The following GGTA1 variants were observed in gnomAD, a reference collection of about 807,000 sequenced individuals.
GGTA1 encodes the protein inactive N-acetyllactosaminide alpha-1,3-galactosyltransferase.
Under a neutral mutation model 2.6 loss-of-function variants are expected in GGTA1, and 5 were observed. The observed-to-expected ratio is 1.92, with a 90% CI of 1.00 to 4.04. The LOEUF (loss-of-function observed/expected upper bound fraction) is 4.04, where lower values mean the gene tolerates loss of function less well. Among genes scored for constraint, GGTA1 ranks in the 30% most tolerant of loss-of-function variants. The pLI is 0.00. For missense variants in GGTA1, 50 were observed against 16.7 expected (o/e 2.99, Z -3.47); for synonymous variants, 17 against 5.0 (o/e 3.38, Z -3.19).
At chr9:121,475,778 A>T (rs2118719468) in intron 1 of GGTA1, among the ~76,000 whole-genome samples, 1 of 152,304 alleles carries the variant, frequency 6.6e-6, no homozygotes, top group Admixed American at 6.5e-5. Context: ...GGGAATGGGG[A>T]AGGGTGCAGT....
chr9:121,447,712 A>T (rs912832750), intron 7 of GGTA1: 4 of 152,144 alleles, frequency 2.6e-5, no homozygotes, highest in Admixed American at 2.6e-4. Flanking sequence ...GGGATTCCTG[A>T]AAGAAACCAC....
intron 1 of GGTA1, among the ~76,000 whole-genome samples, chr9:121,475,427 C>G (rs975401537): frequency 1.3e-5 from 2 of 152,228 alleles, no homozygotes; most frequent in East Asian, 1.9e-4. Flanking sequence ...CTCTACTCTC[C>G]TAATAAACTT....
chr9:121,499,425 G>A (rs971978134), intron 1 of GGTA1, among the ~76,000 whole-genome samples: 2 of 152,296 alleles, frequency 1.3e-5, no homozygotes, highest in Non-Finnish European at 2.9e-5. Context: ...CTGGACAGAG[G>A]GAGGGACGGC....
intron 1 of GGTA1, among the ~76,000 whole-genome samples, chr9:121,486,407 G>C (rs957621783): frequency 2.0e-5 from 3 of 152,192 alleles, no homozygotes; most frequent in Non-Finnish European, 4.4e-5. Context: ...CTGGTGATTG[G>C]GGATGGTGGA....
chr9:121,493,741 TCA>T, intron 1 of GGTA1, among the ~76,000 whole-genome samples: 1 of 134,422 alleles, frequency 7.4e-6, no homozygotes, highest in Admixed American at 7.9e-5. Flanking sequence ...CTTCCTAGAC[TCA>T]CTCTCTTTTT....
At chr9:121,464,324 G>T (rs1026248352) in intron 2 of GGTA1, among the ~76,000 whole-genome samples, 13 of 111,896 alleles carry the variant, frequency 1.2e-4, no homozygotes, top group Admixed American at 1.1e-4. Flanking sequence ...CCTCCTTGAG[G>T]TTTTTTTTTT....
intron 2 of GGTA1, among the ~76,000 whole-genome samples, chr9:121,465,023 A>AAAAAAAC: frequency 6.6e-6 from 1 of 151,830 alleles, no homozygotes; most frequent in Non-Finnish European, 1.5e-5. Context: ...AAAAAACAAA[A>AAAAAAAC]AACAACTCCT....
downstream of GGTA1, among the ~76,000 whole-genome samples, chr9:121,452,736 C>T (rs1161060575): frequency 6.6e-6 from 1 of 152,120 alleles, no homozygotes; most frequent in Non-Finnish European, 1.5e-5. Flanking sequence ...CCAGGCTGCT[C>T]TTGAACTCCT....
Position 121,476,912 on chromosome 9 carries a change from G to A in GGTA1, c.-9-8981C>T, listed in dbSNP as rs959502515. Among the ~76,000 whole-genome samples the A allele has an allele frequency of 1.3e-5, 2 of 152,172 alleles. No individual in the cohort carries two copies. Among genetic ancestry groups the A allele is most frequent in the African/African-American group, 4.8e-5 (2 of 41,426 alleles). ...TCCAGGGGCTGCAGGCTGAGCTGGG[G>A]TGCTGACCCATTACCTGCACACCCA... On this transcript the variant is annotated intron_variant, in intron 1 of 5. Transcript: ENST00000481799. The surrounding 1 kb of genome is among the most constrained non-coding windows in gnomAD (Gnocchi z 4.6).
chr9:121,461,005 A>G (rs2064956418), intron 4 of GGTA1, among the ~76,000 whole-genome samples: 1 of 152,208 alleles, frequency 6.6e-6, no homozygotes, highest in African/African-American at 2.4e-5. Flanking sequence ...TGAGCCCAAG[A>G]GTTTGAAGCT....
chr9:121,466,936 A>T lies in GGTA1; in HGVS notation c.80+907T>A, dbSNP rs73543110. ...CCACTGTGTTCCAGCCTAGGTGACAAGAGAGAGACTCTGTCTCAAAAAAAA... is the reference window on the plus strand; with the variant it reads ...CCACTGTGTTCCAGCCTAGGTGACATGAGAGAGACTCTGTCTCAAAAAAAA... On this transcript the variant is annotated intron_variant, in intron 2 of 5. Coordinates refer to ENST00000481799, the MANE Select transcript of GGTA1 (RefSeq NM_001382585.1). Among the ~76,000 whole-genome samples the T allele has an allele frequency of 5.8e-3, 871 of 149,456 alleles. 9 individuals are homozygous for T. Among genetic ancestry groups the T allele is most frequent in the African/African-American group, 0.02 (829 of 40,530 alleles).
intron 1 of GGTA1, chr9:121,479,393 C>T (rs1828585986): frequency 3.2e-6 from 1 of 315,386 alleles, no homozygotes; most frequent in African/African-American, 2.2e-5. Context: ...CCCTCAGCAG[C>T]CAGGGGCTTT....
At chr9:121,494,922 C>CT (rs66772492) in intron 1 of GGTA1, 54,212 of 113,916 alleles carry the variant, frequency 0.48, 15,722 homozygotes, top group Non-Finnish European at 0.59. Context: ...CTACATCATT[C>CT]TTTTTTTTTT....
At chr9:121,466,877 T>G (rs1442729689) in intron 2 of GGTA1, among the ~76,000 whole-genome samples, 1 of 149,910 alleles carries the variant, frequency 6.7e-6, no homozygotes, top group African/African-American at 2.5e-5. Context: ...TGCTTGAACC[T>G]GGAAGGCAGA....
intron 5 of GGTA1, among the ~76,000 whole-genome samples, chr9:121,458,764 A>C (rs1247084075): frequency 1.3e-5 from 2 of 152,092 alleles, no homozygotes; most frequent in Non-Finnish European, 2.9e-5. Context: ...GCTGGTGACT[A>C]TGGTCTGTCC....
At chr9:121,466,226 C>T (rs912426484) in intron 2 of GGTA1, among the ~76,000 whole-genome samples, 4 of 152,070 alleles carry the variant, frequency 2.6e-5, no homozygotes, top group Non-Finnish European at 5.9e-5. Context: ...AGCCTATTAT[C>T]CCCAATTTTT....
At chr9:121,473,940 G>GGAGAGA (rs761577056) in intron 1 of GGTA1, among the ~76,000 whole-genome samples, 2,435 of 122,416 alleles carry the variant, frequency 0.02, 71 homozygotes, top group African/African-American at 0.06. Flanking sequence ...AAAGAGAGAA[G>GGAGAGA]GAGAGAGAGA....
intron 1 of GGTA1, among the ~76,000 whole-genome samples, chr9:121,491,596 T>C (rs1488571895): frequency 6.6e-6 from 1 of 150,838 alleles, no homozygotes; most frequent in Non-Finnish European, 1.5e-5. Context: ...ACTGTGCAAT[T>C]AGTTTTTTTT....
At chr9:121,465,288 G>A (rs1384861147) in intron 2 of GGTA1, among the ~76,000 whole-genome samples, 1 of 152,238 alleles carries the variant, frequency 6.6e-6, no homozygotes, top group Non-Finnish European at 1.5e-5. Context: ...AGAGCTTGAA[G>A]GTTATCCAAG....
Sources: gnomAD v4.1 joint callset for allele counts (sites outside exome capture counted in the v4.1 genomes callset) on GRCh38, gnomAD v4.1.1 for gene constraint, Gnocchi (gnomAD v3.1) non-coding constraint, MANE v1.5 for transcripts, NCBI Gene and HGNC (gene_info 2026-07-23, HGNC 2026-07-21) for gene names.